The following CPED1 variants were observed in gnomAD, a reference collection of about 807,000 sequenced individuals.
The protein encoded by CPED1 is cadherin-like and PC-esterase domain-containing protein 1.
A neutral mutation model predicts 128.2 loss-of-function variants in CPED1; 114 were observed. That is an observed-to-expected ratio of 0.89 (90% confidence interval 0.76 to 1.04). The LOEUF (loss-of-function observed/expected upper bound fraction) is 1.04, where lower values mean the gene tolerates loss of function less well. Ranked by LOEUF, CPED1 falls within the 50% of genes least tolerant of loss-of-function variation. CPED1 has a pLI of 0.00. For missense variants in CPED1, 1,211 were observed against 1,207.1 expected (o/e 1.00, Z -0.05); for synonymous variants, 462 against 426.7 (o/e 1.08, Z -1.02).
At chr7:121,067,302 C>T (rs1299578828) in intron 5 of CPED1, among the ~76,000 whole-genome samples, 1 of 151,842 alleles carries the variant, frequency 6.6e-6, no homozygotes, top group Non-Finnish European at 1.5e-5. Flanking sequence ...GTGTGATGTT[C>T]CCCTTCCTGT....
chr7:121,226,040 C>T (rs965988292), intron 16 of CPED1, among the ~76,000 whole-genome samples: 1 of 152,100 alleles, frequency 6.6e-6, no homozygotes, highest in Non-Finnish European at 1.5e-5. Flanking sequence ...GAACTGTGAT[C>T]CTTTGGAGGA....
rs535124315 is a variant in CPED1 at position 121,081,418 on chromosome 7, G to A, written c.617-16281G>A. ...GGGTGTGCTCCTTTCTGGGAGAGAA[G>A]CATGAACTCTATTATATAGAAAACC... On this transcript the variant is annotated intron_variant, in intron 5 of 22. Transcript: ENST00000310396. Among the ~76,000 whole-genome samples, 6 of 152,228 alleles carry A rather than the reference G, an allele frequency of 3.9e-5. No homozygotes were observed. The South Asian group carries it at 1.2e-3, about 32-fold the overall frequency.
At chr7:121,239,081 A>G (rs1584622477) in intron 17 of CPED1, among the ~76,000 whole-genome samples, 1 of 152,186 alleles carries the variant, frequency 6.6e-6, no homozygotes, top group African/African-American at 2.4e-5. Flanking sequence ...ACTTGCTGCT[A>G]GAGATGATTT....
intron 5 of CPED1, among the ~76,000 whole-genome samples, chr7:121,079,094 T>G (rs1794213081): frequency 6.6e-6 from 1 of 152,160 alleles, no homozygotes; most frequent in African/African-American, 2.4e-5. Flanking sequence ...TCACTTTAAC[T>G]ACCTCCTTAA....
intron 16 of CPED1, among the ~76,000 whole-genome samples, chr7:121,234,596 T>G (rs150298192): frequency 7.4e-4 from 112 of 151,804 alleles, no homozygotes; most frequent in African/African-American, 2.5e-3. Flanking sequence ...ACTAGAAAAA[T>G]AACATTCTCC....
chr7:121,132,150 C>A (rs1049300765), intron 12 of CPED1, among the ~76,000 whole-genome samples: 1 of 152,006 alleles, frequency 6.6e-6, no homozygotes, highest in African/African-American at 2.4e-5. Flanking sequence ...ATTTAATTAT[C>A]ATTCATGCCA....
chr7:121,124,709 C>T (rs1187217199), intron 8 of CPED1, among the ~76,000 whole-genome samples: 2 of 152,012 alleles, frequency 1.3e-5, no homozygotes, highest in Admixed American at 6.6e-5. Flanking sequence ...AAGTAAAGTG[C>T]GCATTTTCAA....
At chr7:121,117,426 C>A (rs141315939) in intron 7 of CPED1, among the ~76,000 whole-genome samples, 1 of 151,924 alleles carries the variant, frequency 6.6e-6, no homozygotes, top group Admixed American at 6.6e-5. Flanking sequence ...ACAACATGTA[C>A]ATTAAATTAA....
At position 121,018,495 on chromosome 7, in the gene CPED1, A is replaced by T. The variant is rs115441249; in HGVS notation, c.433+2647A>T. On this transcript the variant is annotated intron_variant, in intron 3 of 22. Coordinates refer to ENST00000310396, the MANE Select transcript of CPED1 (RefSeq NM_024913.5). ...ACCCTACTCCACTTCCTTTTACCAC[A>T]GCATTTTCTGCTGTTTACTAACCTG... Among the ~76,000 whole-genome samples the T allele has an allele frequency of 7.3e-3, 1,108 of 152,230 alleles. 14 individuals carry two copies. The highest frequency in any genetic ancestry group is 0.025 in the African/African-American group (1,039 of 41,544).
chr7:121,047,413 TACTC>T (rs767064247), intron 4 of CPED1, among the ~76,000 whole-genome samples: 26 of 152,198 alleles, frequency 1.7e-4, no homozygotes, highest in East Asian at 7.7e-4. Context: ...ATTTAGTACT[TACTC>T]TTTATATCGT....
intron 3 of CPED1, among the ~76,000 whole-genome samples, chr7:121,025,934 C>T (rs749735291): frequency 3.2e-4 from 49 of 152,094 alleles, no homozygotes; most frequent in Non-Finnish European, 3.8e-4. Flanking sequence ...ATGTATAAAA[C>T]ACAACTGATA....
intron 16 of CPED1, among the ~76,000 whole-genome samples, chr7:121,198,555 G>C (rs1797319652): frequency 6.6e-6 from 1 of 152,048 alleles, no homozygotes; most frequent in Non-Finnish European, 1.5e-5. Flanking sequence ...ATACTTTACA[G>C]AGTGCTGCCC....
At chr7:121,205,198 T>C (rs1042369962) in intron 16 of CPED1, among the ~76,000 whole-genome samples, 4 of 152,134 alleles carry the variant, frequency 2.6e-5, no homozygotes, top group Admixed American at 2.0e-4. Context: ...ATGAAAAGTC[T>C]TTCCATGTTT....
At chr7:121,168,699 T>C (rs1394919820) in intron 16 of CPED1, among the ~76,000 whole-genome samples, 1 of 152,186 alleles carries the variant, frequency 6.6e-6, no homozygotes, top group Admixed American at 6.5e-5. Flanking sequence ...TTTTTTTGTA[T>C]CCATTAACCA....
chr7:121,255,641 T>C (rs1791820048), intron 18 of CPED1, among the ~76,000 whole-genome samples: 1 of 152,082 alleles, frequency 6.6e-6, no homozygotes, highest in Non-Finnish European at 1.5e-5. Flanking sequence ...GTTAACGATA[T>C]GATTCTATAC....
At chr7:121,100,825 T>G (rs1794832044) in intron 7 of CPED1, among the ~76,000 whole-genome samples, 2 of 152,122 alleles carry the variant, frequency 1.3e-5, no homozygotes, top group African/African-American at 4.8e-5. Context: ...TGAACTTGAT[T>G]TTTTTCAGAA....
chr7:121,084,385 G>T (rs1359174750), intron 5 of CPED1, among the ~76,000 whole-genome samples: 3 of 152,188 alleles, frequency 2.0e-5, no homozygotes, highest in Non-Finnish European at 4.4e-5. Context: ...ATTTCAATGT[G>T]TAAATATTTA....
At chr7:121,270,213 A>T (rs35796978) in intron 21 of CPED1, among the ~76,000 whole-genome samples, 3,608 of 152,190 alleles carry the variant, frequency 0.024, 62 homozygotes, top group Non-Finnish European at 0.036. Context: ...TTCTTTTGAG[A>T]AGTGTCTACC....
chr7:121,111,305 C>T (rs1009098044), intron 7 of CPED1, among the ~76,000 whole-genome samples: 1 of 152,126 alleles, frequency 6.6e-6, no homozygotes, highest in Non-Finnish European at 1.5e-5. Context: ...GTCACTGTAA[C>T]CCCTATTTCC....
Sources: gnomAD v4.1 joint callset for allele counts (sites outside exome capture counted in the v4.1 genomes callset) on GRCh38, gnomAD v4.1.1 for gene constraint, MANE v1.5 for transcripts, NCBI Gene and HGNC (gene_info 2026-07-23, HGNC 2026-07-21) for gene names.